Variants in ZNF704 observed in about 807,000 individuals in gnomAD.
ZNF704 encodes the protein glucocorticoid induced gene 1.
Under a neutral mutation model 44.7 loss-of-function variants are expected in ZNF704, and 10 were observed. That is an observed-to-expected ratio of 0.22 (90% confidence interval 0.14 to 0.38). The LOEUF (loss-of-function observed/expected upper bound fraction) is 0.38, where lower values mean the gene tolerates loss of function less well. Ranked by LOEUF, ZNF704 falls within the 10% of genes least tolerant of loss-of-function variation. ZNF704 has a pLI of 1.00. For missense variants in ZNF704, 390 were observed against 545.5 expected (o/e 0.71, Z 2.84); for synonymous variants, 211 against 207.6 (o/e 1.02, Z -0.14).
intron 2 of ZNF704, among the ~76,000 whole-genome samples, chr8:80,785,939 T>C (rs553471007): frequency 6.6e-5 from 10 of 152,324 alleles, no homozygotes; most frequent in African/African-American, 2.4e-4. Flanking sequence ...AACCCACATA[T>C]ATACACGTAT....
At chr8:80,832,430 T>G (rs1428948219) in intron 1 of ZNF704, among the ~76,000 whole-genome samples, 1 of 152,310 alleles carries the variant, frequency 6.6e-6, no homozygotes, top group Admixed American at 6.5e-5. Context: ...CAATCCTTCC[T>G]TCTGCCTACA....
At chr8:80,864,060 A>G (rs1219397581) in intron 1 of ZNF704, among the ~76,000 whole-genome samples, 4 of 152,196 alleles carry the variant, frequency 2.6e-5, no homozygotes, top group African/African-American at 9.7e-5. Flanking sequence ...TTTAAGTTTC[A>G]CACACAATAA....
At chr8:80,683,320 C>A (rs2131627776) in intron 4 of ZNF704, among the ~76,000 whole-genome samples, 1 of 152,290 alleles carries the variant, frequency 6.6e-6, no homozygotes, top group East Asian at 1.9e-4. Context: ...TTCTCACACT[C>A]TCACCTACCT....
chr8:80,793,161 T>C (rs7006546), intron 2 of ZNF704, among the ~76,000 whole-genome samples: 33,636 of 152,184 alleles, frequency 0.22, 5,357 homozygotes, highest in African/African-American at 0.45. Flanking sequence ...TAACCTAAGA[T>C]GTGGTGACTG....
intron 2 of ZNF704, among the ~76,000 whole-genome samples, chr8:80,712,981 C>T (rs1451602718): frequency 6.6e-6 from 1 of 151,570 alleles, no homozygotes; most frequent in African/African-American, 2.4e-5. Flanking sequence ...CCGCAATGTT[C>T]ACCTCCGAGG....
intron 1 of ZNF704, among the ~76,000 whole-genome samples, chr8:80,830,555 G>C (rs548636108): frequency 6.6e-6 from 1 of 151,978 alleles, no homozygotes; most frequent in African/African-American, 2.4e-5. Flanking sequence ...AGTGATATCT[G>C]TATGAGTAGT....
At chr8:80,721,467 T>C (rs1392464913) in intron 2 of ZNF704, among the ~76,000 whole-genome samples, 1 of 152,202 alleles carries the variant, frequency 6.6e-6, no homozygotes, top group African/African-American at 2.4e-5. Context: ...TTAATTAAAA[T>C]ATATTGATAT....
intron 2 of ZNF704, among the ~76,000 whole-genome samples, chr8:80,750,283 C>T (rs568956090): frequency 5.3e-5 from 8 of 151,592 alleles, no homozygotes; most frequent in Middle Eastern, 3.4e-3. Context: ...TCTCCTCAAA[C>T]TGTAACACAA....
intron 1 of ZNF704, among the ~76,000 whole-genome samples, chr8:80,870,698 C>T (rs1470628918): frequency 6.6e-6 from 1 of 152,070 alleles, no homozygotes; most frequent in Non-Finnish European, 1.5e-5. Flanking sequence ...TAGTGCTGTG[C>T]CCCAGAATCA....
At chr8:80,662,343 A>T (rs1428404985) in intron 6 of ZNF704, among the ~76,000 whole-genome samples, 2 of 152,148 alleles carry the variant, frequency 1.3e-5, no homozygotes, top group Non-Finnish European at 2.9e-5. Flanking sequence ...TAAACAGAAA[A>T]GTCTCAATAT....
At chr8:80,875,340 T>C (rs561760478), upstream of ZNF704, among the ~76,000 whole-genome samples, 21 of 152,268 alleles carry the variant, frequency 1.4e-4, no homozygotes, top group South Asian at 3.9e-3. Context: ...GTTTCGCTCT[T>C]GTTGCCAAGG....
intron 2 of ZNF704, among the ~76,000 whole-genome samples, chr8:80,724,321 T>C (rs1471300548): frequency 2.6e-5 from 4 of 152,246 alleles, no homozygotes; most frequent in Non-Finnish European, 2.9e-5. Flanking sequence ...TTCCTATCTA[T>C]AAAAACATTC....
chr8:80,784,242 T>C (rs565596191), intron 2 of ZNF704, among the ~76,000 whole-genome samples: 133 of 152,324 alleles, frequency 8.7e-4, no homozygotes, highest in African/African-American at 3.1e-3. Flanking sequence ...ATGCAGGTTT[T>C]GGTGTGGATA....
chr8:80,777,605 A>T (rs942802440), intron 2 of ZNF704, among the ~76,000 whole-genome samples: 2 of 152,116 alleles, frequency 1.3e-5, no homozygotes, highest in Non-Finnish European at 2.9e-5. Flanking sequence ...TGGGCCAGGC[A>T]TGGTAGCTCA....
intron 2 of ZNF704, among the ~76,000 whole-genome samples, chr8:80,696,766 G>A (rs1818733384): frequency 6.6e-6 from 1 of 152,160 alleles, no homozygotes; most frequent in Admixed American, 6.6e-5. Context: ...GTAAGATATT[G>A]GGGATGGGAC....
At chr8:80,693,612 T>C (rs1228579943) in intron 2 of ZNF704, among the ~76,000 whole-genome samples, 1 of 151,932 alleles carries the variant, frequency 6.6e-6, no homozygotes, top group African/African-American at 2.4e-5. Context: ...ACGTCTGAGG[T>C]GAACTGTGAA....
intron 1 of ZNF704, among the ~76,000 whole-genome samples, chr8:80,833,815 G>A (rs1808510553): frequency 6.6e-6 from 1 of 152,180 alleles, no homozygotes; most frequent in African/African-American, 2.4e-5. Context: ...TCATAGGGCT[G>A]CCAAACAAGG....
At chr8:80,650,274 G>A (rs111831009) in intron 7 of ZNF704, among the ~76,000 whole-genome samples, 8,464 of 152,300 alleles carry the variant, frequency 0.056, 261 homozygotes, top group Middle Eastern at 0.092. Context: ...CCAAAGGAAC[G>A]CAGCGCAGCT....
At chr8:80,735,178 T>C (rs1189030942) in intron 2 of ZNF704, among the ~76,000 whole-genome samples, 2 of 152,248 alleles carry the variant, frequency 1.3e-5, no homozygotes, top group Non-Finnish European at 1.5e-5. Context: ...GTTAGTCATG[T>C]CACCACTGTC....
Sources: allele counts gnomAD v4.1 joint callset (sites outside exome capture counted in the v4.1 genomes callset), GRCh38; gene constraint gnomAD v4.1.1; transcripts MANE v1.5; gene names NCBI Gene and HGNC (gene_info 2026-07-23, HGNC 2026-07-21).